The following PRORP variants were observed in gnomAD, a reference collection of about 807,000 sequenced individuals.
PRORP encodes protein only RNase P catalytic subunit, also known as mitochondrial ribonuclease P catalytic subunit.
A neutral mutation model predicts 59.4 loss-of-function variants in PRORP; 51 were observed. That is an observed-to-expected ratio of 0.86 (90% CI 0.69 to 1.08). PRORP has a LOEUF of 1.08. Among genes scored for constraint, PRORP ranks in the 50% least tolerant of loss-of-function variants. PRORP has a pLI of 0.00. For missense variants in PRORP, 646 were observed against 690.3 expected, an observed-to-expected ratio of 0.94 and a Z score of 0.72; for synonymous variants, 231 against 245.6, an observed-to-expected ratio of 0.94 and a Z score of 0.55.
At chr14:35,226,310 C>A (rs576427050) in intron 5 of PRORP, among the ~76,000 whole-genome samples, 1 of 152,268 alleles carries the variant, frequency 6.6e-6, no homozygotes, top group East Asian at 1.9e-4. Context: ...GGTTTATAAT[C>A]CCACAGATAC....
intron 4 of PRORP, among the ~76,000 whole-genome samples, chr14:35,150,343 CT>C (rs755246090): frequency 6.6e-6 from 1 of 152,132 alleles, no homozygotes; most frequent in Admixed American, 6.6e-5. Flanking sequence ...GGGGAAATGG[CT>C]GTTGGTGGAG....
At position 35,218,617 on chromosome 14, in the gene PRORP, C is replaced by A. The variant is rs1298459046; in HGVS notation, c.1275+37840C>A. Among the ~76,000 whole-genome samples the A allele has an allele frequency of 2.0e-5, 3 of 146,354 alleles. No individual in the cohort carries two copies. In the Admixed American group the frequency reaches 2.1e-4, roughly 10 times the overall value. The stretch of plus-strand genomic sequence containing the variant: ...TCTCAGCTCACTGCAACTTCCGCCT[C>A]CTGAGTTTAAGCCATTCTCCTGCCT... On this transcript the variant is annotated intron_variant, in intron 5 of 7. Transcript: ENST00000534898.
chr14:35,121,956 C>T (rs762250628), upstream of PRORP: 18 of 1,614,158 alleles, frequency 1.1e-5, no homozygotes, highest in Non-Finnish European at 1.3e-5. Flanking sequence ...TCTTTCCAGT[C>T]CATGGCCGAC....
intron 4 of PRORP, among the ~76,000 whole-genome samples, chr14:35,178,760 T>A (rs2048520818): frequency 6.6e-6 from 1 of 152,198 alleles, no homozygotes; most frequent in South Asian, 2.1e-4. Context: ...GTTAATATTA[T>A]GTGTGAATTT....
chr14:35,162,348 G>A (rs556044728), intron 4 of PRORP, among the ~76,000 whole-genome samples: 70 of 152,110 alleles, frequency 4.6e-4, no homozygotes, highest in Non-Finnish European at 7.4e-4. Context: ...TTCTTTCTCC[G>A]CACCTTGAAG....
chr14:35,241,969 G>T (rs1005381104), intron 5 of PRORP, among the ~76,000 whole-genome samples: 2 of 152,018 alleles, frequency 1.3e-5, no homozygotes, highest in African/African-American at 4.8e-5. Context: ...CTCCCACTGG[G>T]CTCTAAACTC....
At chr14:35,152,588 C>T (rs1211340705) in intron 4 of PRORP, among the ~76,000 whole-genome samples, 1 of 151,346 alleles carries the variant, frequency 6.6e-6, no homozygotes, top group Non-Finnish European at 1.5e-5. Flanking sequence ...GACGGGGCGG[C>T]TGGCCGGGCG....
chr14:35,218,485 A>AAAG (rs1348565728), intron 5 of PRORP, among the ~76,000 whole-genome samples: 3,827 of 132,996 alleles, frequency 0.029, 173 homozygotes, highest in African/African-American at 0.061. Flanking sequence ...AAAAAAAAAA[A>AAAG]CCAACAACAA....
intron 5 of PRORP, among the ~76,000 whole-genome samples, chr14:35,239,448 A>G (rs950515022): frequency 6.6e-6 from 1 of 152,082 alleles, no homozygotes; most frequent in African/African-American, 2.4e-5. Flanking sequence ...TTCAAAGTAC[A>G]TGATCAAGGT....
At chr14:35,248,881 T>C (rs2050545689) in intron 5 of PRORP, among the ~76,000 whole-genome samples, 1 of 152,198 alleles carries the variant, frequency 6.6e-6, no homozygotes, top group Non-Finnish European at 1.5e-5. Flanking sequence ...CAGAGAGTAA[T>C]AGCATCATAA....
intron 4 of PRORP, among the ~76,000 whole-genome samples, chr14:35,164,506 G>A (rs539916246): frequency 1.3e-5 from 2 of 152,186 alleles, no homozygotes; most frequent in African/African-American, 4.8e-5. Flanking sequence ...GGAGCCGGAC[G>A]CCATAATCCT....
At chr14:35,204,715 T>C (rs2049247310) in intron 5 of PRORP, among the ~76,000 whole-genome samples, 1 of 152,222 alleles carries the variant, frequency 6.6e-6, no homozygotes, top group South Asian at 2.1e-4. Context: ...GGTAACTCTA[T>C]GTACAAGAAC....
At chr14:35,165,906 C>T (rs967266439) in intron 4 of PRORP, among the ~76,000 whole-genome samples, 2 of 152,134 alleles carry the variant, frequency 1.3e-5, no homozygotes, top group African/African-American at 4.8e-5. Context: ...TCTTGAACTC[C>T]TGGCCTCAAT....
intron 4 of PRORP, among the ~76,000 whole-genome samples, chr14:35,136,087 T>G (rs1266262035): frequency 6.6e-6 from 1 of 152,198 alleles, no homozygotes; most frequent in East Asian, 1.9e-4. Context: ...GTCAGACGGC[T>G]GCTGAGTGGT....
At chr14:35,196,378 C>T (rs1026310512) in intron 5 of PRORP, among the ~76,000 whole-genome samples, 3 of 152,148 alleles carry the variant, frequency 2.0e-5, no homozygotes, top group African/African-American at 7.2e-5. Context: ...CCTGTAGTCC[C>T]ACCAACTCAG....
At chr14:35,250,393 C>T (rs1193513994) in intron 5 of PRORP, among the ~76,000 whole-genome samples, 2 of 152,152 alleles carry the variant, frequency 1.3e-5, no homozygotes, top group Admixed American at 6.5e-5. Flanking sequence ...TACATCAGGT[C>T]CTTTAGAGAA....
upstream of PRORP, chr14:35,122,110 G>A (rs28365850): frequency 0.18 from 124,331 of 710,162 alleles, 12,449 homozygotes; most frequent in East Asian, 0.38. Flanking sequence ...GGCTAAAGAG[G>A]CAAAAACAAT....
At chr14:35,178,453 T>C in intron 4 of PRORP, among the ~76,000 whole-genome samples, 1 of 152,238 alleles carries the variant, frequency 6.6e-6, no homozygotes, top group Non-Finnish European at 1.5e-5. Flanking sequence ...ATATTTAGGA[T>C]AGTTAGCTCT....
intron 2 of PRORP, among the ~76,000 whole-genome samples, chr14:35,125,065 A>G (rs1042880521): frequency 4.0e-5 from 6 of 151,656 alleles, no homozygotes; most frequent in African/African-American, 1.2e-4. Flanking sequence ...GGGTTTCTCT[A>G]TGTTGGTCAG....
Sources: gnomAD v4.1 joint callset for allele counts (sites outside exome capture counted in the v4.1 genomes callset) on GRCh38, gnomAD v4.1.1 for gene constraint, MANE v1.5 for transcripts, NCBI Gene and HGNC (gene_info 2026-07-23, HGNC 2026-07-21) for gene names.